The following FA2H variants were observed in gnomAD, a reference collection of about 807,000 sequenced individuals.
The protein encoded by FA2H is fatty acid alpha-hydroxylase.
In FA2H, 22 loss-of-function variants were observed where a neutral mutation model predicts 44.9. That is an observed-to-expected ratio of 0.49 (90% CI 0.35 to 0.70). FA2H has a LOEUF of 0.70. Among genes scored for constraint, FA2H ranks in the 30% least tolerant of loss-of-function variants. The pLI is 0.01. For synonymous variants in FA2H, 243 were observed against 213.2 expected, an observed-to-expected ratio of 1.14 and a Z score of -1.22; for missense variants, 501 against 504.9, an observed-to-expected ratio of 0.99 and a Z score of 0.07.
At chr16:74,738,450 CA>C (rs1442944371) in intron 2 of FA2H, among the ~76,000 whole-genome samples, 1 of 152,138 alleles carries the variant, frequency 6.6e-6, no homozygotes, top group Non-Finnish European at 1.5e-5. Flanking sequence ...AGGAGCTGAC[CA>C]CAGAGCTGGC....
chr16:74,754,659 CT>C (rs1428265234), intron 1 of FA2H, among the ~76,000 whole-genome samples: 1 of 152,064 alleles, frequency 6.6e-6, no homozygotes, highest in Non-Finnish European at 1.5e-5. Context: ...TCCTGAGTAG[CT>C]GAGACTACAG....
In FA2H at chr16:74,774,619, C is replaced by T; in HGVS notation, c.137G>A (p.Gly46Asp). Reference protein sequence around the residue: ...LSSFVRHHPGGEQLLRARAGQ... With the variant: ...LSSFVRHHPGDEQLLRARAGQ... ...CGCCCTGGCCCGCAGCAGCTGCTCGCCCCCCGGGTGGTGCCGCACGAAGCT... is the reference window on the plus strand; with the variant it reads ...CGCCCTGGCCCGCAGCAGCTGCTCGTCCCCCGGGTGGTGCCGCACGAAGCT... Residue 46 changes from glycine to aspartate, a missense_variant, in exon 1 of 7, where the codon GGC (glycine) becomes GAC (aspartate). Gly to Asp is a moderately conservative substitution (Grantham distance 94). Coordinates refer to ENST00000219368, the MANE Select transcript of FA2H (RefSeq NM_024306.5). The T allele has an allele frequency of 6.6e-7, 1 of 1,516,476 alleles. No individual in the cohort carries two copies. The highest frequency in any genetic ancestry group is 8.8e-7 in the Non-Finnish European group (1 of 1,140,638). The allele number at this position is 1,516,476 out of a possible 1,614,324, so 93.9% of individuals were successfully genotyped here.
In FA2H at chr16:74,774,649, A is replaced by C. The variant is rs1441667867; in HGVS notation, c.107T>G (p.Leu36Arg). Reference sequence around the variant, plus strand: ...CGGGTGGTGCCGCACGAAGCTGGAGAGGTCGTAGAGGCGGGCCCCGCGGCG... The same window carrying C: ...CGGGTGGTGCCGCACGAAGCTGGAGCGGTCGTAGAGGCGGGCCCCGCGGCG... ...WVRRGARLYD[L>R]SSFVRHHPGG... The change falls in exon 1 of 7, where the codon CTC (leucine) becomes CGC (arginine). Residue 36 changes from leucine to arginine, a missense_variant. Transcript: ENST00000219368. 6.9e-7 allele frequency: 1 copy of C among 1,459,534 alleles called. No individual in the cohort carries two copies. The highest frequency in any genetic ancestry group is 9.0e-7 in the Non-Finnish European group (1 of 1,110,096). 90.4% of individuals were successfully genotyped at this position (1,459,534 alleles called of 1,614,324 possible).
At position 74,774,634 on chromosome 16, in the gene FA2H, C is replaced by T. The variant is rs747507656; in HGVS notation, c.122G>A (p.Arg41Gln). The change falls in exon 1 of 7, where the codon CGG becomes CAG. Residue 41 changes from arginine (R) to glutamine (Q), a missense_variant. Coordinates refer to ENST00000219368, the MANE Select transcript of FA2H (RefSeq NM_024306.5). Reference sequence around the variant, plus strand: ...CAGCTGCTCGCCCCCCGGGTGGTGCCGCACGAAGCTGGAGAGGTCGTAGAG... The same window carrying T: ...CAGCTGCTCGCCCCCCGGGTGGTGCTGCACGAAGCTGGAGAGGTCGTAGAG... The part of the protein sequence containing the change: ...ARLYDLSSFV[R>Q]HHPGGEQLLR... 7.9e-6 allele frequency: 12 copies of T among 1,513,278 alleles called. 1 individual carries two copies. The highest frequency in any genetic ancestry group is 2.2e-4 in the Middle Eastern group (1 of 4,582). The allele number at this position is 1,513,278 out of a possible 1,614,324, so 93.7% of individuals were successfully genotyped here.
intron 1 of FA2H, among the ~76,000 whole-genome samples, chr16:74,770,114 G>A (rs1436736432): frequency 6.6e-6 from 1 of 152,160 alleles, no homozygotes; most frequent in Non-Finnish European, 1.5e-5. Context: ...ATTCAGAAAC[G>A]AGCCCCAAAC....
intron 1 of FA2H, among the ~76,000 whole-genome samples, chr16:74,754,387 C>T (rs1054337591): frequency 3.9e-5 from 6 of 152,034 alleles, no homozygotes; most frequent in Non-Finnish European, 7.4e-5. Flanking sequence ...CAGAGCAAGA[C>T]TCCATCTCAA....
chr16:74,717,545 C>G (rs1199208954), intron 5 of FA2H, among the ~76,000 whole-genome samples: 2 of 152,354 alleles, frequency 1.3e-5, no homozygotes, highest in African/African-American at 4.8e-5. Flanking sequence ...GGTGGCGTCA[C>G]TGGAACAGAA....
chr16:74,754,267 G>C (rs909478862), intron 1 of FA2H, among the ~76,000 whole-genome samples: 3 of 152,110 alleles, frequency 2.0e-5, no homozygotes, highest in Non-Finnish European at 4.4e-5. Flanking sequence ...GTGGTGGCAC[G>C]TGCCTGTAGT....
intron 1 of FA2H, among the ~76,000 whole-genome samples, chr16:74,743,690 G>A (rs1055144400): frequency 3.3e-5 from 5 of 152,138 alleles, no homozygotes; most frequent in East Asian, 1.9e-4. Flanking sequence ...TTCTGCTCTC[G>A]GGTCCTAGGG....
intron 1 of FA2H, among the ~76,000 whole-genome samples, chr16:74,758,206 C>T (rs1276068478): frequency 4.0e-5 from 6 of 150,612 alleles, no homozygotes; most frequent in Non-Finnish European, 5.9e-5. Context: ...TTGCAACCTC[C>T]GCCTCCTGGG....
chr16:74,716,119 C>T (rs1961690104), intron 6 of FA2H, among the ~76,000 whole-genome samples: 1 of 152,148 alleles, frequency 6.6e-6, no homozygotes, highest in Non-Finnish European at 1.5e-5. Flanking sequence ...CACACCCAGC[C>T]CCTTTATTTT....
At chr16:74,750,981 C>G (rs1369187452) in intron 1 of FA2H, among the ~76,000 whole-genome samples, 1 of 151,966 alleles carries the variant, frequency 6.6e-6, no homozygotes, top group Non-Finnish European at 1.5e-5. Flanking sequence ...TGAGGTCATG[C>G]TATCTTGCCC....
At chr16:74,725,514 C>A (rs1961933435) in intron 4 of FA2H, among the ~76,000 whole-genome samples, 1 of 152,216 alleles carries the variant, frequency 6.6e-6, no homozygotes, top group Admixed American at 6.5e-5. Flanking sequence ...CCTCTGCCCC[C>A]CAGCTAGAAG....
intron 1 of FA2H, among the ~76,000 whole-genome samples, chr16:74,745,402 C>A (rs1278247009): frequency 6.6e-6 from 1 of 152,268 alleles, no homozygotes; most frequent in Non-Finnish European, 1.5e-5. Flanking sequence ...ACTCTGAGAG[C>A]CCTCCCCAAC....
intron 6 of FA2H, among the ~76,000 whole-genome samples, chr16:74,715,045 C>T (rs902797217): frequency 1.3e-5 from 2 of 151,934 alleles, no homozygotes; most frequent in African/African-American, 4.8e-5. Context: ...AACATGTTGG[C>T]CAGGCTGGTC....
At chr16:74,749,343 GAACCCCC>G in intron 1 of FA2H, among the ~76,000 whole-genome samples, 1 of 152,220 alleles carries the variant, frequency 6.6e-6, no homozygotes, top group Non-Finnish European at 1.5e-5. Context: ...AGAAGCCTCA[GAACCCCC>G]GAAGCCCACC....
At chr16:74,726,124 G>A (rs969430556) in intron 4 of FA2H, 101 bp downstream of exon 4, 2 of 796,712 alleles carry the variant, frequency 2.5e-6, no homozygotes, top group Admixed American at 2.0e-5. Context: ...CTGTGATGTA[G>A]TTTGGGGTTC....
chr16:74,723,912 C>CT (rs1018426503), intron 4 of FA2H, among the ~76,000 whole-genome samples: 24 of 151,634 alleles, frequency 1.6e-4, no homozygotes, highest in African/African-American at 5.6e-4. Context: ...ATTATATTTT[C>CT]TTTTTTTGAG....
intron 1 of FA2H, among the ~76,000 whole-genome samples, chr16:74,768,514 C>T (rs1962848428): frequency 6.6e-6 from 1 of 152,218 alleles, no homozygotes; most frequent in Non-Finnish European, 1.5e-5. Context: ...CCCTGGGATG[C>T]CCCCTTAGAG....
Sources: gnomAD v4.1 joint callset for allele counts (sites outside exome capture counted in the v4.1 genomes callset) on GRCh38, gnomAD v4.1.1 for gene constraint, MANE v1.5 for transcripts, NCBI Gene and HGNC (gene_info 2026-07-23, HGNC 2026-07-21) for gene names.